The following B3GALNT2 variants were observed in gnomAD, a reference collection of about 807,000 sequenced individuals.
The protein encoded by B3GALNT2 is UDP-GalNAc:beta-1,3-N-acetylgalactosaminyltransferase 2.
Under a neutral mutation model 61.1 loss-of-function variants are expected in B3GALNT2, and 53 were observed. The observed-to-expected ratio is 0.87, with a 90% confidence interval of 0.70 to 1.09. B3GALNT2 has a LOEUF of 1.09. Among genes scored for constraint, B3GALNT2 ranks in the 50% least tolerant of loss-of-function variants. B3GALNT2 has a pLI of 0.00. For synonymous variants in B3GALNT2, 223 were observed against 237.4 expected, an observed-to-expected ratio of 0.94 and a Z score of 0.56; for missense variants, 544 against 623.0, an observed-to-expected ratio of 0.87 and a Z score of 1.35.
At position 235,455,576 on chromosome 1, in the gene B3GALNT2, A is replaced by G; in HGVS notation, c.1134T>C (p.Pro378=). 1.2e-6 allele frequency: 2 copies of G among 1,612,770 alleles called. No individual in the cohort carries two copies. Among genetic ancestry groups the G allele is most frequent in the Non-Finnish European group, 1.7e-6 (2 of 1,178,736 alleles). Residue 378 remains proline, a synonymous_variant, in exon 9 of 12, where the codon CCT becomes CCC. Transcript: ENST00000366600. ...TAACTTACTTTCCCCACCAAAAATT[A>G]GGCCCATCCAGATTCTTTTGGACAA... ...NRIVQKNLDG[P]NFWWGNFRLN... is the part of the protein sequence containing the mutation.
chr1:235,454,404 G>GTTATA (rs1683070092), intron 9 of B3GALNT2, 89 bp from the exon 10 acceptor site: 1 of 1,249,586 alleles, frequency 8.0e-7, no homozygotes, highest in East Asian at 2.6e-5. Flanking sequence ...TCACTACAAA[G>GTTATA]GAATAAGCTT....
chr1:235,466,230 CTTT>C (rs57389033), intron 6 of B3GALNT2, among the ~76,000 whole-genome samples: 8 of 134,516 alleles, frequency 5.9e-5, no homozygotes, highest in Non-Finnish European at 1.1e-4. Context: ...TTTAATTTTT[CTTT>C]TTTTTTTTTT....
intron 5 of B3GALNT2, 40 bp downstream of exon 5, chr1:235,480,014 G>A: frequency 1.2e-6 from 2 of 1,610,510 alleles, no homozygotes; most frequent in African/African-American, 1.3e-5. Context: ...TCCTATGAAG[G>A]ACTGCATTGG....
chr1:235,455,196 A>G (rs1683105264), intron 9 of B3GALNT2, among the ~76,000 whole-genome samples: 1 of 152,054 alleles, frequency 6.6e-6, no homozygotes, highest in Non-Finnish European at 1.5e-5. Flanking sequence ...ATCATAGCTC[A>G]CTGCAGCCTC....
At chr1:235,446,702 T>C (rs1682343466), downstream of B3GALNT2, among the ~76,000 whole-genome samples, 1 of 151,872 alleles carries the variant, frequency 6.6e-6, no homozygotes, top group Non-Finnish European at 1.5e-5. Flanking sequence ...CAGGTTTTTT[T>C]TTTTTTTTTG....
At position 235,458,751 on chromosome 1, in the gene B3GALNT2, G is replaced by A; in HGVS notation, c.877C>T (p.Pro293Ser). The A allele has an allele frequency of 6.2e-7, 1 of 1,602,380 alleles. No individual in the cohort carries two copies. Among genetic ancestry groups the A allele is most frequent in the Non-Finnish European group, 8.5e-7 (1 of 1,176,552 alleles). The stretch of plus-strand genomic sequence containing the variant: ...CTTATATGATCAATAAGTCTTTGAG[G>A]GCGAGAATGAAGGTTGTGTAAGAGA... ...DALLHNLHSR[P>S]QRLIDHIRNL... is the part of the protein sequence containing the mutation. Residue 293 changes from proline to serine, a missense_variant, in exon 8 of 12, where the codon CCT (proline) becomes TCT (serine). By Grantham distance (74) the Pro-to-Ser change is moderately conservative. Transcript: ENST00000366600.
Position 235,450,285 on chromosome 1 carries a change from TGAG to T in B3GALNT2, c.1421_1423del (p.Pro474del), listed in dbSNP as rs752758430. 55 of 1,613,908 alleles carry T rather than the reference TGAG, an allele frequency of 3.4e-5. No homozygotes were observed. The highest frequency in any genetic ancestry group is 4.2e-5 in the Non-Finnish European group (49 of 1,179,888). ...TTCCGTCAGTTCCCACGGAGAATACTGAGGAGAAGACAGCATTCCTGTCTCACA... is the reference window on the plus strand; with the variant it reads ...TTCCGTCAGTTCCCACGGAGAATACTGAGAAGACAGCATTCCTGTCTCACA... On this transcript the variant is annotated inframe_deletion, in exon 12 of 12. Transcript: ENST00000366600.
intron 1 of B3GALNT2, among the ~76,000 whole-genome samples, chr1:235,495,080 AAAAC>A (rs1210405754): frequency 6.6e-6 from 1 of 152,218 alleles, no homozygotes. Context: ...CTAATTCTTC[AAAAC>A]AAACAAGATG....
At chr1:235,453,504 G>A (rs1683024918) in intron 10 of B3GALNT2, among the ~76,000 whole-genome samples, 1 of 151,562 alleles carries the variant, frequency 6.6e-6, no homozygotes, top group African/African-American at 2.4e-5. Context: ...CGCCCAGGCT[G>A]GCATGCAGTG....
rs1682711886 is a variant in B3GALNT2 at position 235,449,063 on chromosome 1, T to C, written c.*1143A>G. The C allele has an allele frequency of 3.0e-6, 1 of 333,454 alleles. No individual in the cohort carries two copies. The highest frequency in any genetic ancestry group is 2.6e-5 in the South Asian group (1 of 37,886). 20.7% of individuals were successfully genotyped at this position (333,454 alleles called of 1,614,324 possible). A position where few individuals can be genotyped will look rare whatever the true frequency, so the allele number is the denominator to read the frequency against. On this transcript the variant is annotated 3_prime_UTR_variant, in exon 12 of 12. Transcript: ENST00000366600. ...TTAAATAGAAAGAAACTAGCTAGCC[T>C]AATAAAATCTGAACACAGTTAATAT...
At chr1:235,470,740 C>A (rs747709678) in intron 6 of B3GALNT2, 110 bp downstream of exon 6, 1 of 1,449,076 alleles carries the variant, frequency 6.9e-7, no homozygotes, top group South Asian at 1.5e-5. Flanking sequence ...GTAAAACACA[C>A]AAGAATCATT....
chr1:235,458,703 A>C lies in B3GALNT2; in HGVS notation c.925T>G (p.Leu309Val). 1 of 1,613,758 alleles carries C rather than the reference A, an allele frequency of 6.2e-7. No homozygotes were observed. Among genetic ancestry groups the C allele is most frequent in the South Asian group, 1.1e-5 (1 of 90,936 alleles). Residue 309 changes from leucine (L) to valine (V), a missense_variant, in exon 8 of 12, where the codon TTA becomes GTA. Coordinates refer to ENST00000366600, the MANE Select transcript of B3GALNT2 (RefSeq NM_152490.5). The part of the protein sequence containing the change: ...HIRNLHEEDA[L>V]LKEESSIYDD... ...TAGATGCTGCTTTCCTCCTTCAGTA[A>C]GGCATCTTCCTCATGGAGATTCCTT... is the stretch of plus-strand genomic sequence containing the variant.
At chr1:235,482,171 A>G (rs1684593043) in intron 4 of B3GALNT2, among the ~76,000 whole-genome samples, 1 of 152,210 alleles carries the variant, frequency 6.6e-6, no homozygotes, top group South Asian at 2.1e-4. Flanking sequence ...AGGCACTGGA[A>G]TTCAAACAAA....
At chr1:235,452,626 G>C (rs1486276205) in intron 11 of B3GALNT2, among the ~76,000 whole-genome samples, 1 of 151,262 alleles carries the variant, frequency 6.6e-6, no homozygotes, top group Non-Finnish European at 1.5e-5. Context: ...ACAGCTCCCT[G>C]CACCCTCGAC....
chr1:235,443,667 C>T (rs1682053166), downstream of B3GALNT2, among the ~76,000 whole-genome samples: 1 of 152,176 alleles, frequency 6.6e-6, no homozygotes, highest in Non-Finnish European at 1.5e-5. Flanking sequence ...GAACCAAATT[C>T]TTACGGGAGG....
chr1:235,482,213 G>A (rs1684595259), intron 4 of B3GALNT2, among the ~76,000 whole-genome samples: 1 of 152,064 alleles, frequency 6.6e-6, no homozygotes, highest in Non-Finnish European at 1.5e-5. Context: ...TCAGTACTTG[G>A]AAGAAGGAAA....
At chr1:235,441,936 A>C in the B3GALNT2 span, 4 of 1,496,220 alleles carry the variant, frequency 2.7e-6, no homozygotes, top group Non-Finnish European at 2.8e-6. Context: ...TAGGTGCTGA[A>C]ACAGTTAGTG....
downstream of B3GALNT2, among the ~76,000 whole-genome samples, chr1:235,445,719 T>C (rs1020930558): frequency 5.3e-5 from 8 of 151,732 alleles, no homozygotes; most frequent in African/African-American, 1.9e-4. Flanking sequence ...CTGGCTGGCA[T>C]GAAAAAGCAG....
In B3GALNT2 at chr1:235,448,950, A is replaced by G; in HGVS notation, c.*1256T>C. The G allele has an allele frequency of 3.7e-6, 2 of 545,668 alleles. No homozygotes were observed. The highest frequency in any genetic ancestry group is 6.6e-6 in the Non-Finnish European group (2 of 301,722). The allele number at this position is 545,668 out of a possible 1,614,324, so 33.8% of individuals were successfully genotyped here. ...AGGCTTATACATAATAGCAATAATA[A>G]AGGCTTTGAACCTACTAATGATTTT... On this transcript the variant is annotated 3_prime_UTR_variant, in exon 12 of 12. Coordinates refer to ENST00000366600, the MANE Select transcript of B3GALNT2 (RefSeq NM_152490.5).
Sources: allele counts gnomAD v4.1 joint callset (sites outside exome capture counted in the v4.1 genomes callset), GRCh38; gene constraint gnomAD v4.1.1; transcripts MANE v1.5; gene names NCBI Gene and HGNC (gene_info 2026-07-23, HGNC 2026-07-21).